LRRK2: variants seen among roughly 807,000 people sequenced by gnomAD.
LRRK2 encodes the protein leucine rich repeat kinase 2, also known as leucine-rich repeat serine/threonine-protein kinase 2.
A neutral mutation model predicts 302.6 loss-of-function variants in LRRK2; 203 were observed. The ratio of observed to expected loss-of-function variants is 0.67; its 90% CI spans 0.60 to 0.75. The LOEUF is 0.75. Among genes scored for constraint, LRRK2 ranks in the 30% least tolerant of loss-of-function variants. The pLI, the probability that LRRK2 is intolerant of heterozygous loss-of-function variation, is 0.00. For synonymous variants in LRRK2, 1,066 were observed against 1,031.9 expected, an observed-to-expected ratio of 1.03 and a Z score of -0.63; for missense variants, 2,830 against 2,951.0, an observed-to-expected ratio of 0.96 and a Z score of 0.95.
At chr12:40,320,888 GAA>G (rs1409305238) in intron 34 of LRRK2, 144 bp from the exon 35 acceptor site, 1 of 1,010,682 alleles carries the variant, frequency 9.9e-7, no homozygotes. Context: ...TTTGGTGTAG[GAA>G]AAATATGTAG....
chr12:40,235,738 T>A (rs1941420502), intron 4 of LRRK2, 24 bp downstream of exon 4: 1 of 1,407,420 alleles, frequency 7.1e-7, no homozygotes, highest in African/African-American at 1.4e-5. Context: ...ATGTTTTTTG[T>A]GTTGATTCAA....
At chr12:40,255,628 A>G (rs532451837) in intron 11 of LRRK2, among the ~76,000 whole-genome samples, 83 of 152,322 alleles carry the variant, frequency 5.4e-4, no homozygotes, top group African/African-American at 1.7e-3. Flanking sequence ...AGGACCCCAT[A>G]CAGACCTTCT....
At position 40,308,564 on chromosome 12, in the gene LRRK2, C is replaced by CA; in HGVS notation, c.4059dup (p.Leu1354IlefsTer46). On this transcript the variant is annotated frameshift_variant, in exon 29 of 51. Coordinates refer to ENST00000298910, the MANE Select transcript of LRRK2 (RefSeq NM_198578.4). LOFTEE classifies it high-confidence loss of function. ...GAGTGGTAAAACCACCTTATTGCAG[C>CA]AATTAATGAAAACCAAGAAATCAGA... is the stretch of plus-strand genomic sequence containing the variant. 6.2e-7 allele frequency: 1 copy of CA among 1,613,964 alleles called. No individual in the cohort carries two copies. Among genetic ancestry groups the CA allele is most frequent in the Non-Finnish European group, 8.5e-7 (1 of 1,179,930 alleles).
At chr12:40,281,029 C>T (rs1162351948) in intron 18 of LRRK2, among the ~76,000 whole-genome samples, 1 of 149,288 alleles carries the variant, frequency 6.7e-6, no homozygotes, top group African/African-American at 2.5e-5. Context: ...GATCGCGCCA[C>T]TGCACTGCAG....
chr12:40,249,049 A>G (rs1313400728), intron 7 of LRRK2, among the ~76,000 whole-genome samples: 2 of 152,078 alleles, frequency 1.3e-5, no homozygotes, highest in Non-Finnish European at 2.9e-5. Context: ...GATACAGGAT[A>G]TTTTCCATTT....
chr12:40,322,132 C>T lies in LRRK2; in HGVS notation c.5268C>T (p.Asp1756=). ...GTCTGGTAGGATCTGAAGTCTTAGA[C>T]AATCATCCAGAGAGTTTCTTAAAAA... The part of the protein sequence containing the change: ...AYCLVGSEVL[D]NHPESFLKIT... Residue 1756 remains aspartate (D), a synonymous_variant, in exon 36 of 51, where the codon GAC becomes GAT. Transcript: ENST00000298910. The T allele has an allele frequency of 1.2e-6, 2 of 1,612,370 alleles. No individual in the cohort carries two copies. The highest frequency in any genetic ancestry group is 1.7e-6 in the Non-Finnish European group (2 of 1,179,070).
Position 40,250,067 on chromosome 12 carries a change from T to C in LRRK2, c.958+122T>C. The C allele has an allele frequency of 2.4e-6, 3 of 1,228,812 alleles. No homozygotes were observed. The South Asian group carries it at 3.9e-5, about 16-fold the overall frequency. 76.1% of individuals were successfully genotyped at this position (1,228,812 alleles called of 1,614,324 possible). On this transcript the variant is annotated intron_variant, in intron 8 of 50. Transcript: ENST00000298910. ...CAATGCCTTTTCTGTCCTGTGTAGC[T>C]CATTTTCCAGTAGAGGATACTTTCA...
rs191107526 is a variant in LRRK2 at position 40,274,491 on chromosome 12, A to T, written c.1657-92A>T. 1,278 of 1,279,922 alleles carry T rather than the reference A, an allele frequency of 1.0e-3. 6 individuals carry two copies. In the Middle Eastern group the frequency reaches 0.016, roughly 16 times the overall value. The allele number at this position is 1,279,922 out of a possible 1,614,324, so 79.3% of individuals were successfully genotyped here. A position where few individuals can be genotyped will look rare whatever the true frequency, so the allele number is the denominator to read the frequency against. ...AAGGATACTGATTTATATTTGGATTACTTGATTTATATTTTGTCAGTCTAT... is the reference window on the plus strand; with the variant it reads ...AAGGATACTGATTTATATTTGGATTTCTTGATTTATATTTTGTCAGTCTAT... On this transcript the variant is annotated intron_variant, in intron 14 of 50. Coordinates refer to ENST00000298910, the MANE Select transcript of LRRK2 (RefSeq NM_198578.4).
At chr12:40,262,625 T>C (rs887530061) in intron 13 of LRRK2, among the ~76,000 whole-genome samples, 3 of 152,172 alleles carry the variant, frequency 2.0e-5, no homozygotes, top group Non-Finnish European at 4.4e-5. Context: ...GAAAGGAAAT[T>C]ATATCCATTT....
At chr12:40,255,556 T>TA (rs964524908) in intron 11 of LRRK2, among the ~76,000 whole-genome samples, 2 of 152,206 alleles carry the variant, frequency 1.3e-5, no homozygotes, top group African/African-American at 2.4e-5. Context: ...TAGTGATTCT[T>TA]AAAGTGTGGT....
At chr12:40,264,987 A>G (rs1942946865) in intron 14 of LRRK2, among the ~76,000 whole-genome samples, 1 of 152,200 alleles carries the variant, frequency 6.6e-6, no homozygotes, top group African/African-American at 2.4e-5. Flanking sequence ...ATTAATGGAA[A>G]TGATTCCATG....
intron 29 of LRRK2, 135 bp from the exon 30 acceptor site, chr12:40,308,970 TA>T: frequency 9.4e-7 from 1 of 1,064,238 alleles, no homozygotes; most frequent in Non-Finnish European, 1.4e-6. Context: ...AATAGTTCTC[TA>T]AACATGGTCT....
At chr12:40,355,980 C>T in intron 45 of LRRK2, 135 bp from the exon 46 acceptor site, 1 of 635,860 alleles carries the variant, frequency 1.6e-6, no homozygotes, top group Non-Finnish European at 2.8e-6. Context: ...AAAGTAAATA[C>T]TCTAAGAAAA....
intron 19 of LRRK2, among the ~76,000 whole-genome samples, chr12:40,285,911 CA>C (rs998108029): frequency 3.3e-5 from 5 of 152,078 alleles, no homozygotes; most frequent in Admixed American, 2.6e-4. Flanking sequence ...TAAAACCCTC[CA>C]GAAATGGGTT....
chr12:40,278,977 A>T (rs905695619), intron 18 of LRRK2, among the ~76,000 whole-genome samples: 1 of 152,002 alleles, frequency 6.6e-6, no homozygotes, highest in African/African-American at 2.4e-5. Flanking sequence ...TACAGTGTTC[A>T]TCTTTGTATC....
At chr12:40,261,866 T>C (rs1442988469) in intron 13 of LRRK2, among the ~76,000 whole-genome samples, 1 of 152,218 alleles carries the variant, frequency 6.6e-6, no homozygotes, top group Non-Finnish European at 1.5e-5. Flanking sequence ...ATCTAGTGCA[T>C]ATATCTTAAG....
intron 47 of LRRK2, among the ~76,000 whole-genome samples, chr12:40,361,647 G>GC (rs1454759467): frequency 6.6e-6 from 1 of 152,074 alleles, no homozygotes; most frequent in Non-Finnish European, 1.5e-5. Context: ...AAGATTTGGA[G>GC]CATAGATGCT....
intron 14 of LRRK2, 143 bp downstream of exon 14, chr12:40,264,044 A>G (rs1447669961): frequency 4.7e-6 from 3 of 636,548 alleles, no homozygotes; most frequent in Non-Finnish European, 8.5e-6. Context: ...ACATAAGATG[A>G]CAGTGGGGAT....
chr12:40,352,235 AG>A (rs75439407), intron 44 of LRRK2, among the ~76,000 whole-genome samples: 39,431 of 152,002 alleles, frequency 0.26, 5,910 homozygotes, highest in Middle Eastern at 0.4. Flanking sequence ...CTGTCATCTG[AG>A]GGTATTCTGT....
Sources: allele counts gnomAD v4.1 joint callset (sites outside exome capture counted in the v4.1 genomes callset), GRCh38; gene constraint gnomAD v4.1.1; transcripts MANE v1.5; gene names NCBI Gene and HGNC (gene_info 2026-07-23, HGNC 2026-07-21).